FGF13: variants seen among roughly 807,000 people sequenced by gnomAD.
The protein encoded by FGF13 is fibroblast growth factor 13.
FGF13 carries 2 observed loss-of-function variants against 19.5 expected under a neutral mutation model. The observed-to-expected ratio is 0.10, with a 90% CI of 0.04 to 0.32. The LOEUF is 0.32. Among genes scored for constraint, FGF13 ranks in the 10% least tolerant of loss-of-function variants. FGF13 has a pLI of 1.00. For synonymous variants in FGF13, 72 were observed against 76.9 expected (o/e 0.94, Z 0.33); for missense variants, 113 against 192.7 (o/e 0.59, Z 2.45).
intron 3 of FGF13, among the ~76,000 whole-genome samples, chrX:138,636,198 AT>A (rs747705996): frequency 2.7e-5 from 3 of 111,569 alleles, no homozygotes; most frequent in Admixed American, 1.9e-4. Context: ...AACCAAATTG[AT>A]TTTTTTTGGA....
At chrX:139,160,454 T>C (rs2084020819) in intron 1 of FGF13, among the ~76,000 whole-genome samples, 1 of 110,784 alleles carries the variant, frequency 9.0e-6, no homozygotes, top group Admixed American at 9.7e-5. Flanking sequence ...AGCAAATGAA[T>C]TCAAAAGCTA....
At chrX:139,017,475 T>C (rs184035161) in intron 1 of FGF13, among the ~76,000 whole-genome samples, 61 of 109,491 alleles carry the variant, frequency 5.6e-4, no homozygotes, top group African/African-American at 1.8e-3. Context: ...ATGGAGACAA[T>C]AGAAATGGGT....
At chrX:138,731,690 G>A (rs910008095) in intron 1 of FGF13, among the ~76,000 whole-genome samples, 2 of 110,149 alleles carry the variant, frequency 1.8e-5, no homozygotes. Flanking sequence ...AATGAGAAAG[G>A]AAATCAGTGA....
intron 1 of FGF13, among the ~76,000 whole-genome samples, chrX:138,907,891 T>A (rs1765607328): frequency 9.0e-6 from 1 of 111,174 alleles, no homozygotes; most frequent in Non-Finnish European, 1.9e-5. Context: ...GAGAAAGCAC[T>A]GAGCGTGAAG....
intron 3 of FGF13, among the ~76,000 whole-genome samples, chrX:138,788,425 C>T (rs1466596067): frequency 8.9e-6 from 1 of 112,346 alleles, no homozygotes; most frequent in East Asian, 2.8e-4. Context: ...CATCTTGCCC[C>T]TGCAACTCTG....
At chrX:138,817,290 C>T (rs1162255239) in intron 3 of FGF13, among the ~76,000 whole-genome samples, 2 of 111,925 alleles carry the variant, frequency 1.8e-5, no homozygotes, top group African/African-American at 6.5e-5. Flanking sequence ...TTCCATCCCT[C>T]TGTATGGGAA....
intron 1 of FGF13, among the ~76,000 whole-genome samples, chrX:138,893,762 T>C (rs2091489333): frequency 9.0e-6 from 1 of 111,675 alleles, no homozygotes; most frequent in African/African-American, 3.3e-5. Flanking sequence ...CCACCTTGTA[T>C]AGTGCCCAGC....
chrX:138,759,849 C>T (rs2090454529), intron 3 of FGF13, among the ~76,000 whole-genome samples: 1 of 111,982 alleles, frequency 8.9e-6, no homozygotes, highest in Non-Finnish European at 1.9e-5. Context: ...ACATCATAGG[C>T]CTTCTGTAAA....
chrX:139,160,265 A>G (rs1436149001), intron 1 of FGF13, among the ~76,000 whole-genome samples: 1 of 112,349 alleles, frequency 8.9e-6, no homozygotes, highest in African/African-American at 3.2e-5. Context: ...AAATGAAGGC[A>G]GAAATAAATA....
intron 1 of FGF13, among the ~76,000 whole-genome samples, chrX:138,866,582 C>A (rs1237820538): frequency 9.0e-6 from 1 of 110,691 alleles, no homozygotes; most frequent in East Asian, 2.9e-4. Flanking sequence ...CCCACCCCCA[C>A]CACCACTTAC....
chrX:138,877,792 T>C (rs2091399241), intron 1 of FGF13, among the ~76,000 whole-genome samples: 1 of 112,646 alleles, frequency 8.9e-6, no homozygotes, highest in African/African-American at 3.2e-5. Context: ...CGATTGTGCA[T>C]ATATACAGCA....
chrX:138,678,279 A>C (rs1471845565), intron 3 of FGF13, among the ~76,000 whole-genome samples: 1 of 110,959 alleles, frequency 9.0e-6, no homozygotes, highest in Non-Finnish European at 1.9e-5. Context: ...ATGACAAGTT[A>C]ATGGGTGCAC....
At chrX:138,678,516 A>C (rs2089696514) in intron 3 of FGF13, among the ~76,000 whole-genome samples, 1 of 111,672 alleles carries the variant, frequency 9.0e-6, no homozygotes, top group African/African-American at 3.3e-5. Flanking sequence ...TGGCATTCAC[A>C]TTGATCTTGA....
chrX:138,890,778 A>G (rs1305493715), intron 1 of FGF13, among the ~76,000 whole-genome samples: 1 of 111,519 alleles, frequency 9.0e-6, no homozygotes, highest in Non-Finnish European at 1.9e-5. Flanking sequence ...TTATTAACCA[A>G]TCAATTGGGC....
intron 1 of FGF13, among the ~76,000 whole-genome samples, chrX:139,146,729 C>T (rs1331147124): frequency 1.8e-5 from 2 of 111,551 alleles, no homozygotes; most frequent in African/African-American, 6.5e-5. Flanking sequence ...CAAATGTCCA[C>T]CAATGATAGA....
intron 1 of FGF13, among the ~76,000 whole-genome samples, chrX:138,868,602 T>G: frequency 9.0e-6 from 1 of 111,043 alleles, no homozygotes; most frequent in Non-Finnish European, 1.9e-5. Flanking sequence ...TCTCTCAATC[T>G]TTTCAATTTT....
At chrX:139,107,981 T>A (rs1270234226) in intron 1 of FGF13, among the ~76,000 whole-genome samples, 1 of 111,231 alleles carries the variant, frequency 9.0e-6, no homozygotes, top group Non-Finnish European at 1.9e-5. Flanking sequence ...AATGAAATAA[T>A]CCTATCCTAC....
chrX:138,980,687 T>G (rs1256385873), intron 1 of FGF13, among the ~76,000 whole-genome samples: 1 of 107,757 alleles, frequency 9.3e-6, no homozygotes, highest in African/African-American at 3.4e-5. Context: ...TTTTTTTTTT[T>G]TTTTTTTTTT....
intron 1 of FGF13, among the ~76,000 whole-genome samples, chrX:139,051,173 G>A (rs923725690): frequency 8.9e-6 from 1 of 111,985 alleles, no homozygotes; most frequent in African/African-American, 3.2e-5. Context: ...CAATAATCAA[G>A]GTGTAAGATG....
Sources: allele counts gnomAD v4.1 joint callset (sites outside exome capture counted in the v4.1 genomes callset), GRCh38; gene constraint gnomAD v4.1.1; transcripts MANE v1.5; gene names NCBI Gene and HGNC (gene_info 2026-07-23, HGNC 2026-07-21).